Variants in SHISA9 observed in about 807,000 individuals in gnomAD.
SHISA9 encodes the protein protein shisa-9.
SHISA9 carries 13 observed loss-of-function variants against 38.0 expected under a neutral mutation model. The ratio of observed to expected loss-of-function variants is 0.34; its 90% confidence interval spans 0.22 to 0.54. The LOEUF (loss-of-function observed/expected upper bound fraction) is 0.54. Ranked by LOEUF, SHISA9 falls within the 20% of genes least tolerant of loss-of-function variation. SHISA9 has a pLI of 0.91. For missense variants in SHISA9, 538 were observed against 575.8 expected (o/e 0.93, Z 0.67); for synonymous variants, 275 against 242.0 (o/e 1.14, Z -1.27).
At chr16:13,490,968 G>A in the SHISA9 span, among the ~76,000 whole-genome samples, 3 of 152,126 alleles carry the variant, frequency 2.0e-5, no homozygotes. Flanking sequence ...AAAATCAAAG[G>A]CTGTATTGCT....
intron 2 of SHISA9, among the ~76,000 whole-genome samples, chr16:12,952,909 G>A (rs2141778428): frequency 6.6e-6 from 1 of 152,204 alleles, no homozygotes. Context: ...TTTCACAAAT[G>A]TTTATTGAAC....
chr16:12,902,794 A>G (rs1017850018), intron 1 of SHISA9, 167 bp downstream of exon 1: 7 of 680,590 alleles, frequency 1.0e-5, no homozygotes, highest in Non-Finnish European at 1.7e-5. Context: ...AACACGGAGA[A>G]GGGGCGCTGG....
chr16:13,529,940 A>G, the SHISA9 span, among the ~76,000 whole-genome samples: 1 of 152,216 alleles, frequency 6.6e-6, no homozygotes, highest in Non-Finnish European at 1.5e-5. Flanking sequence ...ACTGCAGCCA[A>G]TGAGACAAGA....
At chr16:13,118,020 A>G (rs2074047520) in intron 2 of SHISA9, among the ~76,000 whole-genome samples, 1 of 151,982 alleles carries the variant, frequency 6.6e-6, no homozygotes, top group Non-Finnish European at 1.5e-5. Flanking sequence ...CATCTCTACT[A>G]AAAATACAAA....
At chr16:12,943,152 G>C (rs188013935) in intron 2 of SHISA9, among the ~76,000 whole-genome samples, 20 of 152,194 alleles carry the variant, frequency 1.3e-4, no homozygotes, top group African/African-American at 4.6e-4. Context: ...ACCAGTCACT[G>C]TGACGAGGGG....
At chr16:13,362,746 T>G in the SHISA9 span, among the ~76,000 whole-genome samples, 1 of 152,224 alleles carries the variant, frequency 6.6e-6, no homozygotes, top group South Asian at 2.1e-4. Context: ...TTATTTCCAT[T>G]TCTTGTATTT....
the SHISA9 span, among the ~76,000 whole-genome samples, chr16:13,469,555 A>G: frequency 6.6e-6 from 1 of 152,144 alleles, no homozygotes; most frequent in Non-Finnish European, 1.5e-5. Flanking sequence ...CTTCTATCCT[A>G]TAAAATCCAG....
chr16:13,330,535 C>A, the SHISA9 span, among the ~76,000 whole-genome samples: 2 of 152,172 alleles, frequency 1.3e-5, no homozygotes. Flanking sequence ...AGCAAATAGG[C>A]ATCTATCATC....
At chr16:12,998,607 GA>G (rs1195495536) in intron 2 of SHISA9, among the ~76,000 whole-genome samples, 3 of 152,124 alleles carry the variant, frequency 2.0e-5, no homozygotes, top group Non-Finnish European at 4.4e-5. Context: ...GTGGCTCATG[GA>G]AATCTCTACT....
chr16:12,972,881 C>T (rs1278843329), intron 2 of SHISA9, among the ~76,000 whole-genome samples: 1 of 151,886 alleles, frequency 6.6e-6, no homozygotes, highest in Non-Finnish European at 1.5e-5. Flanking sequence ...TTTGGGAGGC[C>T]GAGGTGGGAG....
chr16:13,278,873 G>A, the SHISA9 span, among the ~76,000 whole-genome samples: 6 of 151,784 alleles, frequency 4.0e-5, no homozygotes, highest in Non-Finnish European at 7.4e-5. Flanking sequence ...CAAGATTTTT[G>A]TTTCATTTAT....
the SHISA9 span, among the ~76,000 whole-genome samples, chr16:13,534,101 A>G: frequency 6.6e-6 from 1 of 151,856 alleles, no homozygotes; most frequent in Non-Finnish European, 1.5e-5. Flanking sequence ...CATTTTTAAG[A>G]ACACTTCCCT....
At chr16:13,114,813 A>G (rs1349185910) in intron 2 of SHISA9, among the ~76,000 whole-genome samples, 5 of 152,020 alleles carry the variant, frequency 3.3e-5, no homozygotes, top group African/African-American at 9.7e-5. Context: ...TATATTTTAA[A>G]TTTCATTCTG....
intron 2 of SHISA9, among the ~76,000 whole-genome samples, chr16:13,000,328 T>C (rs899242157): frequency 1.3e-5 from 2 of 152,006 alleles, no homozygotes; most frequent in South Asian, 2.1e-4. Flanking sequence ...TGGGAGAAAC[T>C]GTGAGGAAAT....
chr16:13,459,508 C>G, the SHISA9 span, among the ~76,000 whole-genome samples: 8 of 152,126 alleles, frequency 5.3e-5, no homozygotes, highest in Non-Finnish European at 1.0e-4. Flanking sequence ...TTTTAATGCT[C>G]TTATTTTTCA....
the SHISA9 span, among the ~76,000 whole-genome samples, chr16:13,342,795 T>C: frequency 6.6e-6 from 1 of 152,198 alleles, no homozygotes; most frequent in Non-Finnish European, 1.5e-5. Flanking sequence ...ATCTACTCAA[T>C]GTTCTTGGCT....
At chr16:13,434,262 G>C in the SHISA9 span, among the ~76,000 whole-genome samples, 3 of 152,154 alleles carry the variant, frequency 2.0e-5, no homozygotes, top group African/African-American at 4.8e-5. Context: ...TGTCCACCCA[G>C]ATTGAGGGTA....
chr16:13,128,068 A>G (rs1023368133), intron 2 of SHISA9, among the ~76,000 whole-genome samples: 11 of 152,180 alleles, frequency 7.2e-5, no homozygotes, highest in African/African-American at 2.7e-4. Flanking sequence ...CATTAAGATA[A>G]TTAGATGCCC....
the SHISA9 span, among the ~76,000 whole-genome samples, chr16:13,547,772 T>C: frequency 1.3e-5 from 2 of 152,134 alleles, no homozygotes; most frequent in Non-Finnish European, 2.9e-5. Context: ...AGAATTAATA[T>C]TATTAAAATG....
Sources: gnomAD v4.1 joint callset for allele counts (sites outside exome capture counted in the v4.1 genomes callset) on GRCh38, gnomAD v4.1.1 for gene constraint, MANE v1.5 for transcripts, NCBI Gene and HGNC (gene_info 2026-07-23, HGNC 2026-07-21) for gene names.